PGLYRP1: variants seen among roughly 807,000 people sequenced by gnomAD.
PGLYRP1 encodes the protein TNF superfamily, member 3 (LTB)-like (peptidoglycan recognition protein).
A neutral mutation model predicts 16.3 loss-of-function variants in PGLYRP1; 18 were observed. The observed-to-expected ratio is 1.11, with a 90% CI of 0.77 to 1.64. PGLYRP1 has a LOEUF of 1.64. Ranked by LOEUF, PGLYRP1 falls within the 40% of genes most tolerant of loss-of-function variation. PGLYRP1 has a pLI of 0.00. For synonymous variants in PGLYRP1, 89 were observed against 105.7 expected, an observed-to-expected ratio of 0.84 and a Z score of 0.97; for missense variants, 261 against 268.6, an observed-to-expected ratio of 0.97 and a Z score of 0.20.
chr19:46,020,105 C>A (rs997795842), intron 1 of PGLYRP1, among the ~76,000 whole-genome samples: 7 of 127,806 alleles, frequency 5.5e-5, no homozygotes, highest in East Asian at 2.3e-4. Flanking sequence ...GAGGCAGAGA[C>A]TTTTTTTTTT....
chr19:46,021,724 A>G (rs1166771940), intron 1 of PGLYRP1, among the ~76,000 whole-genome samples: 2 of 152,078 alleles, frequency 1.3e-5, no homozygotes, highest in Non-Finnish European at 2.9e-5. Flanking sequence ...GAAGCCTCCC[A>G]TGGCTCCCAT....
chr19:46,019,792 G>A lies in PGLYRP1; in HGVS notation c.288-145C>T, dbSNP rs1038173885. 12 of 853,352 alleles carry A rather than the reference G, an allele frequency of 1.4e-5. No individual in the cohort carries two copies. The highest frequency in any genetic ancestry group is 5.4e-5 in the Admixed American group (2 of 36,964). 52.9% of individuals were successfully genotyped at this position (853,352 alleles called of 1,614,324 possible). A position where few individuals can be genotyped will look rare whatever the true frequency, so the allele number is the denominator to read the frequency against. On this transcript the variant is annotated intron_variant, in intron 1 of 2. Transcript: ENST00000008938. The surrounding 1 kb of genome is among the most constrained non-coding windows in gnomAD (Gnocchi z 4.8). ...TCCTTCTCACCCGTTAATTTCCCAC[G>A]ATAGTAACAATGACTGTGGTCATTT...
chr19:46,020,824 A>C (rs989351266), intron 1 of PGLYRP1, among the ~76,000 whole-genome samples: 3 of 152,232 alleles, frequency 2.0e-5, no homozygotes, highest in African/African-American at 7.2e-5. Context: ...TTGAGTCCCG[A>C]ATCTGCTGCT....
Position 46,022,811 on chromosome 19 carries a change from C to T in PGLYRP1, c.211G>A (p.Ala71Thr), listed in dbSNP as rs1368291761. The T allele has an allele frequency of 6.2e-7, 1 of 1,614,008 alleles. No individual in the cohort carries two copies. The highest frequency in any genetic ancestry group is 8.5e-7 in the Non-Finnish European group (1 of 1,179,974). ...HTAGSSCNTP[A>T]SCQQQARNVQ... The stretch of plus-strand genomic sequence containing the variant: ...TTCCGGGCCTGCTGCTGGCACGAGG[C>T]GGGGGTGTTGCAGCTGCTGCCCGCC... The change falls in exon 1 of 3, where the codon GCC becomes ACC. Residue 71 changes from alanine to threonine, a missense_variant. Ala to Thr is a moderately conservative substitution (Grantham distance 58, BLOSUM62 0). Coordinates refer to ENST00000008938, the MANE Select transcript of PGLYRP1 (RefSeq NM_005091.3).
chr19:46,022,787 T>C lies in PGLYRP1; in HGVS notation c.235A>G (p.Asn79Asp). The C allele has an allele frequency of 6.2e-7, 1 of 1,614,176 alleles. No individual in the cohort carries two copies. The highest frequency in any genetic ancestry group is 8.5e-7 in the Non-Finnish European group (1 of 1,180,020). The change falls in exon 1 of 3, where the codon AAT (asparagine) becomes GAT (aspartate). Residue 79 changes from asparagine to aspartate, a missense_variant. Asn to Asp is a conservative substitution (Grantham distance 23). Coordinates refer to ENST00000008938, the MANE Select transcript of PGLYRP1 (RefSeq NM_005091.3). ...GTCTTCATGTGGTAGTGCTGCACAT[T>C]CCGGGCCTGCTGCTGGCACGAGGCG... Reference protein sequence around the residue: ...TPASCQQQARNVQHYHMKTLG... With the variant: ...TPASCQQQARDVQHYHMKTLG...
At position 46,019,357 on chromosome 19, in the gene PGLYRP1, G is replaced by C. The variant is rs550736123; in HGVS notation, c.472C>G (p.Gln158Glu). Residue 158 changes from glutamine (Q) to glutamate (E), a missense_variant, in exon 3 of 3, where the codon CAG becomes GAG. Coordinates refer to ENST00000008938, the MANE Select transcript of PGLYRP1 (RefSeq NM_005091.3). This position sits in a 1 kb window ranked among gnomAD's most constrained non-coding sequence, Gnocchi z 4.8. Reference protein sequence around the residue: ...AQGLLACGVAQGALRSNYVLK... With the variant: ...AQGLLACGVAEGALRSNYVLK... ...ACATAGTTGGACCTCAGGGCTCCCT[G>C]AGCCACACCGCAGGCCAGTAGACCC... 1 of 1,613,862 alleles carries C rather than the reference G, an allele frequency of 6.2e-7. No individual in the cohort carries two copies. The highest frequency in any genetic ancestry group is 1.1e-5 in the South Asian group (1 of 91,082).
At chr19:46,020,467 G>A (rs911345087) in intron 1 of PGLYRP1, among the ~76,000 whole-genome samples, 7 of 152,114 alleles carry the variant, frequency 4.6e-5, no homozygotes, top group African/African-American at 1.7e-4. Flanking sequence ...CTCAGAAAGC[G>A]ACATAATTTG....
chr19:46,021,471 A>G (rs770699780), intron 1 of PGLYRP1, among the ~76,000 whole-genome samples: 20 of 152,254 alleles, frequency 1.3e-4, no homozygotes, highest in Admixed American at 8.5e-4. Flanking sequence ...TGTTCCTCCA[A>G]TAAGCTCTGC....
chr19:46,021,446 C>T (rs951293382), intron 1 of PGLYRP1: 5 of 152,196 alleles, frequency 3.3e-5, no homozygotes, highest in Admixed American at 1.3e-4. Context: ...TTGAAGTGGT[C>T]TCTGGGGACC....
At position 46,019,679 on chromosome 19, in the gene PGLYRP1, G is replaced by A. The variant is rs1333871571; in HGVS notation, c.288-32C>T. 1 of 1,601,262 alleles carries A rather than the reference G, an allele frequency of 6.2e-7. No individual in the cohort carries two copies. The highest frequency in any genetic ancestry group is 8.5e-7 in the Non-Finnish European group (1 of 1,174,974). On this transcript the variant is annotated intron_variant, in intron 1 of 2. Coordinates refer to ENST00000008938, the MANE Select transcript of PGLYRP1 (RefSeq NM_005091.3). This position sits in a 1 kb window ranked among gnomAD's most constrained non-coding sequence, Gnocchi z 4.8. The stretch of plus-strand genomic sequence containing the variant: ...GGGGAGGTGGGGGGGCTTGATGAGT[G>A]AGGGAGGGTTTCCCGAGGAGGACTC...
chr19:46,023,032 C>T lies in PGLYRP1; in HGVS notation c.-11G>A, dbSNP rs761749514. 71 of 1,509,510 alleles carry T rather than the reference C, an allele frequency of 4.7e-5. No individual in the cohort carries two copies. Among genetic ancestry groups the T allele is most frequent in the East Asian group, 4.5e-4 (19 of 41,966 alleles). 93.5% of individuals were successfully genotyped at this position (1,509,510 alleles called of 1,614,324 possible). A position where few individuals can be genotyped will look rare whatever the true frequency, so the allele number is the denominator to read the frequency against. On this transcript the variant is annotated 5_prime_UTR_variant, in exon 1 of 3. Transcript: ENST00000008938. ...AGAGCGGCGGGACATAGTGGCAGGG[C>T]GGCAGGGTCCGGGAGACCGCTAGGA...
At position 46,019,408 on chromosome 19, in the gene PGLYRP1, T is replaced by G. The variant is rs1217925906; in HGVS notation, c.421A>C (p.Thr141Pro). 1.9e-6 allele frequency: 3 copies of G among 1,613,232 alleles called. No homozygotes were observed. Among genetic ancestry groups the G allele is most frequent in the Non-Finnish European group, 2.5e-6 (3 of 1,179,846 alleles). Reference sequence around the variant, plus strand: ...TGGGCTGCCCGGATGGCCTGGGGTGTGGGCACCCGATCTGGAGGAGGCAGA... The same window carrying G: ...TGGGCTGCCCGGATGGCCTGGGGTGGGGGCACCCGATCTGGAGGAGGCAGA... ...FMGNYMDRVP[T>P]PQAIRAAQGL... is the part of the protein sequence containing the mutation. Residue 141 changes from threonine to proline, a missense_variant, in exon 3 of 3, where the codon ACA becomes CCA. Coordinates refer to ENST00000008938, the MANE Select transcript of PGLYRP1 (RefSeq NM_005091.3). This position sits in a 1 kb window ranked among gnomAD's most constrained non-coding sequence, Gnocchi z 4.8.
chr19:46,023,038 G>T lies in PGLYRP1; in HGVS notation c.-17C>A. On this transcript the variant is annotated 5_prime_UTR_variant, in exon 1 of 3. Transcript: ENST00000008938. The stretch of plus-strand genomic sequence containing the variant: ...GCGGGACATAGTGGCAGGGCGGCAG[G>T]GTCCGGGAGACCGCTAGGAGCGCCC... The T allele has an allele frequency of 6.6e-7, 1 of 1,509,814 alleles. No individual in the cohort carries two copies. Among genetic ancestry groups the T allele is most frequent in the Middle Eastern group, 2.3e-4 (1 of 4,398 alleles). 93.5% of individuals were successfully genotyped at this position (1,509,814 alleles called of 1,614,324 possible).
intron 1 of PGLYRP1, among the ~76,000 whole-genome samples, chr19:46,020,154 G>A (rs956008318): frequency 6.7e-6 from 1 of 149,982 alleles, no homozygotes; most frequent in Admixed American, 6.6e-5. Flanking sequence ...TGTTGCTCAG[G>A]CTGGAGTGCA....
intron 1 of PGLYRP1, among the ~76,000 whole-genome samples, chr19:46,022,121 A>G (rs979652666): frequency 6.6e-6 from 1 of 152,196 alleles, no homozygotes; most frequent in African/African-American, 2.4e-5. Flanking sequence ...AGGAGGCTAG[A>G]GTGGCACCGT....
Position 46,019,250 on chromosome 19 carries a change from G to A in PGLYRP1, c.579C>T (p.Tyr193=). The part of the protein sequence containing the change: ...LYHLIQNWPH[Y]RSP ...GATCAGCAGGGCCTCAGGGGGAGCG[G>A]TAGTGTGGCCAATTCTGGATGAGGT... Residue 193 remains tyrosine, a synonymous_variant, in exon 3 of 3, where the codon TAC becomes TAT. Transcript: ENST00000008938. This position sits in a 1 kb window ranked among gnomAD's most constrained non-coding sequence, Gnocchi z 4.8. The A allele has an allele frequency of 6.2e-7, 1 of 1,613,854 alleles. No individual in the cohort carries two copies. Among genetic ancestry groups the A allele is most frequent in the South Asian group, 1.1e-5 (1 of 91,078 alleles).
In PGLYRP1 at chr19:46,019,338, T is replaced by G. The variant is rs144048698; in HGVS notation, c.491A>C (p.Asn164Thr). Residue 164 changes from asparagine to threonine, a missense_variant, in exon 3 of 3, where the codon AAC becomes ACC. By Grantham distance (65) the Asn-to-Thr change is moderately conservative. Transcript: ENST00000008938. This position sits in a 1 kb window ranked among gnomAD's most constrained non-coding sequence, Gnocchi z 4.8. ...ATCCCGGTGTCCTTTGAGCACATAG[T>G]TGGACCTCAGGGCTCCCTGAGCCAC... ...CGVAQGALRS[N>T]YVLKGHRDVQ... The G allele has an allele frequency of 2.3e-5, 37 of 1,613,726 alleles. No homozygotes were observed. The African/African-American group carries it at 4.7e-4, about 20-fold the overall frequency.
At position 46,019,265 on chromosome 19, in the gene PGLYRP1, C is replaced by G. The variant is rs985836969; in HGVS notation, c.564G>C (p.Gln188His). ...SPGNQLYHLI[Q>H]NWPHYRSP The stretch of plus-strand genomic sequence containing the variant: ...AGGGGGAGCGGTAGTGTGGCCAATT[C>G]TGGATGAGGTGGTAGAGCTGGTTGC... Residue 188 changes from glutamine (Q) to histidine (H), a missense_variant, in exon 3 of 3, where the codon CAG (glutamine) becomes CAC (histidine). Coordinates refer to ENST00000008938, the MANE Select transcript of PGLYRP1 (RefSeq NM_005091.3). This position sits in a 1 kb window ranked among gnomAD's most constrained non-coding sequence, Gnocchi z 4.8. The G allele has an allele frequency of 1.9e-6, 3 of 1,613,756 alleles. No individual in the cohort carries two copies. The Admixed American group carries it at 5.0e-5, about 27-fold the overall frequency.
rs1172868057 is a variant in PGLYRP1 at position 46,019,611 on chromosome 19, G to A, written c.324C>T (p.Gly108=). ...GGGCACCCGTGAAGTTCCAGCCACG[G>A]CCCTCGTATACGAGCCCGTCTTCTC... The part of the protein sequence containing the change: ...LIGEDGLVYE[G]RGWNFTGAHS... The change falls in exon 2 of 3, where the codon GGC becomes GGT. Residue 108 remains glycine (G), a synonymous_variant. Transcript: ENST00000008938. The surrounding 1 kb of genome is among the most constrained non-coding windows in gnomAD (Gnocchi z 4.8). 6.2e-7 allele frequency: 1 copy of A among 1,613,856 alleles called. No individual in the cohort carries two copies. The highest frequency in any genetic ancestry group is 2.2e-5 in the East Asian group (1 of 44,848).
Sources: allele counts gnomAD v4.1 joint callset (sites outside exome capture counted in the v4.1 genomes callset), GRCh38; gene constraint gnomAD v4.1.1; non-coding constraint Gnocchi (gnomAD v3.1); transcripts MANE v1.5; gene names NCBI Gene and HGNC (gene_info 2026-07-23, HGNC 2026-07-21).